ZC3HAV1: variants seen among roughly 807,000 people sequenced by gnomAD.
ZC3HAV1 encodes zinc finger CCCH-type containing, antiviral 1.
In ZC3HAV1, 41 loss-of-function variants were observed where a neutral mutation model predicts 86.6. The ratio of observed to expected loss-of-function variants is 0.47; its 90% confidence interval spans 0.37 to 0.61. ZC3HAV1 has a LOEUF of 0.61. Among genes scored for constraint, ZC3HAV1 ranks in the 20% least tolerant of loss-of-function variants. ZC3HAV1 has a pLI of 0.00. For missense variants in ZC3HAV1, 964 were observed against 1,141.1 expected, an observed-to-expected ratio of 0.84 and a Z score of 2.24; for synonymous variants, 421 against 432.1, an observed-to-expected ratio of 0.97 and a Z score of 0.32.
At chr7:139,073,387 G>C (rs1816838028) in intron 7 of ZC3HAV1, among the ~76,000 whole-genome samples, 1 of 151,964 alleles carries the variant, frequency 6.6e-6, no homozygotes, top group African/African-American at 2.4e-5. Context: ...AAAAAAAATT[G>C]AATATAGCTG....
At chr7:139,087,532 C>A (rs111858585) in intron 2 of ZC3HAV1, among the ~76,000 whole-genome samples, 12 of 152,000 alleles carry the variant, frequency 7.9e-5, no homozygotes, top group African/African-American at 2.9e-4. Flanking sequence ...GGCTGGAGAG[C>A]AAATGGGACA....
At chr7:139,064,486 T>G (rs981221058) in intron 8 of ZC3HAV1, among the ~76,000 whole-genome samples, 3 of 152,188 alleles carry the variant, frequency 2.0e-5, no homozygotes, top group African/African-American at 7.2e-5. Flanking sequence ...TCTAAAACTC[T>G]GAAGGTGCCC....
chr7:139,092,535 A>G (rs1018875893), intron 1 of ZC3HAV1, among the ~76,000 whole-genome samples: 1 of 152,214 alleles, frequency 6.6e-6, no homozygotes, highest in Admixed American at 6.5e-5. Context: ...GGTCACAGAG[A>G]GATGCAGAAT....
In ZC3HAV1 at chr7:139,108,284, G is replaced by A. The variant is rs543891543; in HGVS notation, c.308+740C>T. ...CTGCATTTAGACGAAAAAAAAAAAA[G>A]GCAAACGGAAACAACAGAAGCAGTG... On this transcript the variant is annotated intron_variant, in intron 1 of 12. Transcript: ENST00000242351. This position sits in a 1 kb window ranked among gnomAD's most constrained non-coding sequence, Gnocchi z 4.2. Among the ~76,000 whole-genome samples, 6 of 150,778 alleles carry A rather than the reference G, an allele frequency of 4.0e-5. No individual in the cohort carries two copies. In the South Asian group the frequency reaches 1.3e-3, roughly 32 times the overall value.
chr7:139,078,463 A>G, intron 5 of ZC3HAV1, 89 bp downstream of exon 5: 1 of 936,050 alleles, frequency 1.1e-6, no homozygotes, highest in Non-Finnish European at 1.6e-6. Flanking sequence ...CAGGGTTTTC[A>G]GAAGGCATTT....
At chr7:139,053,362 C>T (rs893022905) in intron 12 of ZC3HAV1, 89 bp downstream of exon 12, 1 of 1,433,266 alleles carries the variant, frequency 7.0e-7, no homozygotes, top group African/African-American at 1.4e-5. Flanking sequence ...CTGGTTAATA[C>T]AAAATAATTA....
At chr7:139,056,154 T>A (rs1816273924) in intron 9 of ZC3HAV1, among the ~76,000 whole-genome samples, 1 of 152,100 alleles carries the variant, frequency 6.6e-6, no homozygotes, top group Non-Finnish European at 1.5e-5. Context: ...AGGAAACAAT[T>A]TGCTAATCTG....
chr7:139,060,423 C>T, intron 9 of ZC3HAV1: 13 of 987,514 alleles, frequency 1.3e-5, no homozygotes, highest in Non-Finnish European at 1.4e-5. Context: ...TTTAAAATCC[C>T]TTCAATCAAT....
rs1272626 is a variant in ZC3HAV1 at position 139,045,736 on chromosome 7, C to T, written c.*1858G>A. On this transcript the variant is annotated 3_prime_UTR_variant, in exon 13 of 13. Transcript: ENST00000242351. ...CTGTGAAATATCCAGCTAGTGGTGT[C>T]TAATGGGCTGTTGGAAAGAGTTGGA... 5 of 151,886 alleles carry T rather than the reference C, an allele frequency of 3.3e-5. No homozygotes were observed. Among genetic ancestry groups the T allele is most frequent in the African/African-American group, 7.3e-5 (3 of 41,324 alleles). The allele number at this position is 151,886 out of a possible 1,614,324, so 9.4% of individuals were successfully genotyped here.
Position 139,083,883 on chromosome 7 carries a change from C to A in ZC3HAV1, c.594G>T (p.Val198=). The part of the protein sequence containing the change: ...LRSHNLMDRK[V]LAIMREHGLN... ...GCCCGTGCTCCCTCATGATGGCCAG[C>A]ACCTTTCTGTCCATCAGGTTATGGG... Residue 198 remains valine (V), a synonymous_variant, in exon 3 of 13, where the codon GTG becomes GTT. Coordinates refer to ENST00000242351, the MANE Select transcript of ZC3HAV1 (RefSeq NM_020119.4). 6.2e-7 allele frequency: 1 copy of A among 1,614,166 alleles called. No homozygotes were observed. The highest frequency in any genetic ancestry group is 8.5e-7 in the Non-Finnish European group (1 of 1,180,022).
chr7:139,065,908 A>G (rs1816594274), intron 7 of ZC3HAV1, among the ~76,000 whole-genome samples: 1 of 152,190 alleles, frequency 6.6e-6, no homozygotes, highest in African/African-American at 2.4e-5. Context: ...AAAAAAAGAA[A>G]GAAAAGGAAA....
intron 1 of ZC3HAV1, among the ~76,000 whole-genome samples, chr7:139,096,666 A>G (rs1817596913): frequency 6.6e-6 from 1 of 152,182 alleles, no homozygotes; most frequent in Non-Finnish European, 1.5e-5. Flanking sequence ...TTAAAGAAAA[A>G]TCTTTCATTT....
At chr7:139,064,604 C>G (rs1816543436) in intron 8 of ZC3HAV1, among the ~76,000 whole-genome samples, 1 of 152,156 alleles carries the variant, frequency 6.6e-6, no homozygotes, top group Non-Finnish European at 1.5e-5. Flanking sequence ...GAAGTACCCC[C>G]AAGACTACTT....
At chr7:139,057,531 C>CTTT (rs1294729334) in intron 9 of ZC3HAV1, among the ~76,000 whole-genome samples, 3 of 78,572 alleles carry the variant, frequency 3.8e-5, no homozygotes, top group South Asian at 3.8e-4. Flanking sequence ...AAAACAATTA[C>CTTT]ATTTTTTTTT....
intron 1 of ZC3HAV1, among the ~76,000 whole-genome samples, chr7:139,103,278 T>A (rs111542412): frequency 9.3e-5 from 14 of 150,792 alleles, no homozygotes; most frequent in African/African-American, 3.4e-4. Context: ...TTTTTATTTT[T>A]TTTTTATTTT....
chr7:139,051,135 G>A (rs1006253345), intron 12 of ZC3HAV1, among the ~76,000 whole-genome samples: 4 of 149,466 alleles, frequency 2.7e-5, no homozygotes, highest in Admixed American at 6.7e-5. Context: ...TCAGCTCACC[G>A]CAACCTCTGC....
At chr7:139,071,743 A>G (rs1816778907) in intron 7 of ZC3HAV1, among the ~76,000 whole-genome samples, 1 of 152,236 alleles carries the variant, frequency 6.6e-6, no homozygotes, top group African/African-American at 2.4e-5. Context: ...GGAGGGGTCC[A>G]GGAGACAGCT....
chr7:139,099,920 T>C (rs934153876), intron 1 of ZC3HAV1, among the ~76,000 whole-genome samples: 1 of 150,418 alleles, frequency 6.6e-6, no homozygotes, highest in Non-Finnish European at 1.5e-5. Flanking sequence ...GAACAAAAAA[T>C]AAATAAATAA....
intron 9 of ZC3HAV1, among the ~76,000 whole-genome samples, chr7:139,057,600 G>C (rs1462919418): frequency 2.6e-5 from 2 of 77,414 alleles, no homozygotes; most frequent in South Asian, 4.2e-4. Flanking sequence ...GTGCAGTGGC[G>C]CGATCTCGGC....
Sources: allele counts gnomAD v4.1 joint callset (sites outside exome capture counted in the v4.1 genomes callset), GRCh38; gene constraint gnomAD v4.1.1; non-coding constraint Gnocchi (gnomAD v3.1); transcripts MANE v1.5; gene names NCBI Gene and HGNC (gene_info 2026-07-23, HGNC 2026-07-21).